The following RIMS1 variants were observed in gnomAD, a reference collection of about 807,000 sequenced individuals.
RIMS1 encodes regulating synaptic membrane exocytosis protein 1.
In RIMS1, 83 loss-of-function variants were observed where a neutral mutation model predicts 214.1. That is an observed-to-expected ratio of 0.39 (90% CI 0.32 to 0.47). The LOEUF (loss-of-function observed/expected upper bound fraction) is 0.47, where lower values mean the gene tolerates loss of function less well. RIMS1 is among the 20% of genes least tolerant of loss of function. The probability of loss-of-function intolerance (pLI) is 0.99; values close to 1 mark genes in which losing one functional copy is unlikely to be tolerated. For missense variants in RIMS1, 2,050 were observed against 2,161.8 expected, an observed-to-expected ratio of 0.95 and a Z score of 1.03; for synonymous variants, 793 against 786.8, an observed-to-expected ratio of 1.01 and a Z score of -0.13.
chr6:72,306,303 G>A (rs2095159312), intron 26 of RIMS1, among the ~76,000 whole-genome samples: 1 of 151,610 alleles, frequency 6.6e-6, no homozygotes. Flanking sequence ...AATACTTGTT[G>A]CAGAAGTTGA....
At chr6:71,982,750 C>T (rs1798822770) in intron 2 of RIMS1, among the ~76,000 whole-genome samples, 1 of 152,072 alleles carries the variant, frequency 6.6e-6, no homozygotes, top group African/African-American at 2.4e-5. Context: ...CTCCTTTTTG[C>T]ATGGGGTTGG....
chr6:72,150,888 C>T (rs192095592), intron 4 of RIMS1, among the ~76,000 whole-genome samples: 1 of 152,174 alleles, frequency 6.6e-6, no homozygotes, highest in Admixed American at 6.5e-5. Flanking sequence ...TCTTTTTCTG[C>T]TTTTTAACCT....
chr6:72,195,458 C>T (rs1347378442), intron 6 of RIMS1, among the ~76,000 whole-genome samples: 1 of 152,116 alleles, frequency 6.6e-6, no homozygotes, highest in Non-Finnish European at 1.5e-5. Flanking sequence ...CTGAATAAGA[C>T]TGAGGACCCT....
chr6:72,235,804 T>G, intron 8 of RIMS1, 76 bp downstream of exon 8: 2 of 644,008 alleles, frequency 3.1e-6, no homozygotes, highest in Non-Finnish European at 4.8e-6. Flanking sequence ...TTTCTGGCAA[T>G]GATTTTTAAA....
chr6:72,029,280 A>G (rs1031917989), intron 2 of RIMS1, among the ~76,000 whole-genome samples: 4 of 152,194 alleles, frequency 2.6e-5, no homozygotes, highest in Non-Finnish European at 5.9e-5. Flanking sequence ...TAAGTTAGAT[A>G]AGTAGCTCTC....
chr6:72,008,351 A>G (rs1307477605), intron 2 of RIMS1, among the ~76,000 whole-genome samples: 2 of 152,358 alleles, frequency 1.3e-5, no homozygotes, highest in African/African-American at 4.8e-5. Flanking sequence ...AACAACTGGT[A>G]CCAGCCACTG....
intron 2 of RIMS1, among the ~76,000 whole-genome samples, chr6:72,044,284 TTAAAA>T (rs1258711614): frequency 1.3e-5 from 2 of 151,780 alleles, no homozygotes; most frequent in Non-Finnish European, 2.9e-5. Context: ...TAGAAAACTA[TTAAAA>T]TAAAACATCA....
chr6:72,081,749 A>G (rs1166500881), intron 2 of RIMS1, among the ~76,000 whole-genome samples: 2 of 152,126 alleles, frequency 1.3e-5, no homozygotes, highest in Non-Finnish European at 2.9e-5. Flanking sequence ...AGTCTCTGGA[A>G]TTTTATATTC....
chr6:71,897,193 A>G (rs1359060088), intron 1 of RIMS1, among the ~76,000 whole-genome samples: 1 of 152,082 alleles, frequency 6.6e-6, no homozygotes, highest in African/African-American at 2.4e-5. Flanking sequence ...TTATTTTCCA[A>G]TCCCATTGTC....
At position 72,122,002 on chromosome 6, in the gene RIMS1, C is replaced by G. The variant is rs183240753; in HGVS notation, c.471+22016C>G. Among the ~76,000 whole-genome samples, 384 of 151,914 alleles carry G rather than the reference C, an allele frequency of 2.5e-3. 16 individuals are homozygous for G. The highest frequency in any genetic ancestry group is 0.021 in the Admixed American group (313 of 15,208). ...CCAGCCTTGCATCCCAGGGATGAAG[C>G]CAACTTGATCGTGGTGGATAAGCTT... is the stretch of plus-strand genomic sequence containing the variant. On this transcript the variant is annotated intron_variant, in intron 4 of 33. Transcript: ENST00000521978.
intron 2 of RIMS1, among the ~76,000 whole-genome samples, chr6:72,089,100 A>G (rs1277859632): frequency 1.2e-4 from 18 of 152,164 alleles, no homozygotes. Context: ...CTGAAGTGGA[A>G]GACTGACCCT....
intron 6 of RIMS1, among the ~76,000 whole-genome samples, chr6:72,209,298 A>C (rs925184626): frequency 6.6e-6 from 1 of 152,226 alleles, no homozygotes; most frequent in African/African-American, 2.4e-5. Flanking sequence ...TCTAATGTCC[A>C]AATCACCCTT....
chr6:72,095,804 T>C (rs2031421937), intron 2 of RIMS1, among the ~76,000 whole-genome samples: 1 of 152,208 alleles, frequency 6.6e-6, no homozygotes, highest in Admixed American at 6.5e-5. Flanking sequence ...ACTAACTGCC[T>C]GAATTAACAA....
chr6:72,077,516 C>G (rs1222918578), intron 2 of RIMS1, among the ~76,000 whole-genome samples: 1 of 152,160 alleles, frequency 6.6e-6, no homozygotes, highest in Non-Finnish European at 1.5e-5. Flanking sequence ...CCAAAGTTGT[C>G]CGGGATGTAA....
intron 26 of RIMS1, among the ~76,000 whole-genome samples, chr6:72,302,922 A>G (rs2154274969): frequency 6.6e-6 from 1 of 151,332 alleles, no homozygotes; most frequent in East Asian, 1.9e-4. Context: ...ATATATCAAT[A>G]TAAATTATTT....
intron 2 of RIMS1, among the ~76,000 whole-genome samples, chr6:72,016,066 G>A (rs114413490): frequency 0.013 from 1,978 of 152,260 alleles, 37 homozygotes; most frequent in African/African-American, 0.045. Flanking sequence ...TTGGATGACC[G>A]TGTGGTTTTT....
chr6:72,078,569 A>G (rs1832488463), intron 2 of RIMS1, among the ~76,000 whole-genome samples: 2 of 152,188 alleles, frequency 1.3e-5, no homozygotes, highest in Non-Finnish European at 1.5e-5. Flanking sequence ...TAGTGCCTAT[A>G]TCGGAAGTTG....
chr6:72,105,488 A>T (rs1319048013), intron 4 of RIMS1, among the ~76,000 whole-genome samples: 1 of 152,116 alleles, frequency 6.6e-6, no homozygotes, highest in African/African-American at 2.4e-5. Context: ...ATTAATTATT[A>T]TAATTAAGAG....
rs1327664475 is a variant in RIMS1, at chr6:72,312,318, A to G, written c.3964-1188A>G. Among the ~76,000 whole-genome samples the G allele has an allele frequency of 2.0e-4, 31 of 152,148 alleles. 1 individual carries two copies. The highest frequency in any genetic ancestry group is 2.0e-3 in the Admixed American group (31 of 15,276). On this transcript the variant is annotated intron_variant, in intron 27 of 33. Coordinates refer to ENST00000521978, the MANE Select transcript of RIMS1 (RefSeq NM_014989.7). The stretch of plus-strand genomic sequence containing the variant: ...CCCATATGTTATTTTGTTTTACAGA[A>G]GAAGTTATAGTATCTTACCTTCCAG...
Sources: gnomAD v4.1 joint callset for allele counts (sites outside exome capture counted in the v4.1 genomes callset) on GRCh38, gnomAD v4.1.1 for gene constraint, MANE v1.5 for transcripts, NCBI Gene and HGNC (gene_info 2026-07-23, HGNC 2026-07-21) for gene names.